The following MEP1A variants were observed in gnomAD, a reference collection of about 807,000 sequenced individuals.
The protein encoded by MEP1A is meprin A subunit alpha, also known as N-benzoyl-L-tyrosyl-P-amino-benzoic acid hydrolase subunit alpha.
Under a neutral mutation model 84.5 loss-of-function variants are expected in MEP1A, and 68 were observed. The observed-to-expected ratio is 0.80, with a 90% CI of 0.66 to 0.98. The LOEUF is 0.98. Ranked by LOEUF, MEP1A falls within the 50% of genes least tolerant of loss-of-function variation. The pLI is 0.00. For synonymous variants in MEP1A, 337 were observed against 336.8 expected, an observed-to-expected ratio of 1.00 and a Z score of -0.01; for missense variants, 887 against 919.9, an observed-to-expected ratio of 0.96 and a Z score of 0.46.
chr6:46,797,890 C>T (rs1242284443), intron 3 of MEP1A, among the ~76,000 whole-genome samples: 1 of 35,538 alleles, frequency 2.8e-5, no homozygotes, highest in South Asian at 1.5e-3. Context: ...TTCCTTCCTT[C>T]CTTCCTTCCT....
At chr6:46,795,269 C>T (rs927673360) in intron 3 of MEP1A, among the ~76,000 whole-genome samples, 4 of 152,062 alleles carry the variant, frequency 2.6e-5, no homozygotes, top group African/African-American at 2.4e-5. Flanking sequence ...AAATGTTATT[C>T]GATCTACTCG....
chr6:46,825,928 C>T (rs907614393), intron 8 of MEP1A, among the ~76,000 whole-genome samples: 5 of 152,138 alleles, frequency 3.3e-5, no homozygotes, highest in African/African-American at 1.2e-4. Context: ...TCTTTACTTA[C>T]GTTAGTTATT....
At chr6:46,807,769 A>G (rs1767381914) in intron 5 of MEP1A, among the ~76,000 whole-genome samples, 2 of 116,510 alleles carry the variant, frequency 1.7e-5, no homozygotes, top group Admixed American at 9.0e-5. Context: ...GAAGGGAGAA[A>G]GGAAAGAAAG....
intron 5 of MEP1A, among the ~76,000 whole-genome samples, chr6:46,807,612 G>GGAAGGAAA (rs1767372499): frequency 4.1e-5 from 3 of 72,922 alleles, no homozygotes; most frequent in African/African-American, 1.9e-4. Context: ...AAGGAAGGAA[G>GGAAGGAAA]GAAGGAAGGA....
chr6:46,819,317 C>T (rs886212183), intron 6 of MEP1A, among the ~76,000 whole-genome samples: 6 of 152,154 alleles, frequency 3.9e-5, no homozygotes, highest in Non-Finnish European at 8.8e-5. Flanking sequence ...TGTATTATAT[C>T]TTCACTTTTA....
At chr6:46,815,248 T>C (rs1767607839) in intron 6 of MEP1A, among the ~76,000 whole-genome samples, 1 of 152,130 alleles carries the variant, frequency 6.6e-6, no homozygotes, top group African/African-American at 2.4e-5. Context: ...AGCCTCTCCT[T>C]GGGCAGGGCT....
At chr6:46,823,699 G>A (rs1420242817) in intron 7 of MEP1A, among the ~76,000 whole-genome samples, 2 of 152,154 alleles carry the variant, frequency 1.3e-5, no homozygotes, top group Non-Finnish European at 2.9e-5. Flanking sequence ...GACTGGAAGA[G>A]TTAGCTGCAT....
intron 5 of MEP1A, among the ~76,000 whole-genome samples, chr6:46,801,807 G>T (rs927006738): frequency 1.3e-5 from 2 of 151,932 alleles, no homozygotes; most frequent in South Asian, 2.1e-4. Context: ...GAGACTGATT[G>T]GTTGGTATTT....
intron 7 of MEP1A, among the ~76,000 whole-genome samples, chr6:46,823,993 G>A (rs2150751498): frequency 6.6e-6 from 1 of 152,186 alleles, no homozygotes; most frequent in Non-Finnish European, 1.5e-5. Context: ...AAGGATGTGA[G>A]CCTTGATTGG....
chr6:46,826,132 T>C (rs1767938433), intron 8 of MEP1A, among the ~76,000 whole-genome samples: 2 of 152,192 alleles, frequency 1.3e-5, no homozygotes, highest in African/African-American at 4.8e-5. Flanking sequence ...AGAATGATTA[T>C]AGTTTTTTTT....
intron 10 of MEP1A, among the ~76,000 whole-genome samples, chr6:46,830,112 G>A (rs532022963): frequency 6.6e-6 from 1 of 151,760 alleles, no homozygotes; most frequent in Non-Finnish European, 1.5e-5. Context: ...GCTGGGCATG[G>A]TGGCGCGCGC....
chr6:46,821,089 G>T (rs1767762918), intron 7 of MEP1A, among the ~76,000 whole-genome samples: 1 of 152,078 alleles, frequency 6.6e-6, no homozygotes, highest in South Asian at 2.1e-4. Context: ...AAAGTTTTCT[G>T]CCAGGACTGT....
intron 6 of MEP1A, among the ~76,000 whole-genome samples, chr6:46,815,158 A>T (rs1421661810): frequency 6.6e-6 from 1 of 152,132 alleles, no homozygotes; most frequent in Non-Finnish European, 1.5e-5. Context: ...CTCTCAAGAG[A>T]TTCTGACCTT....
chr6:46,811,333 T>G (rs1174293337), intron 6 of MEP1A, among the ~76,000 whole-genome samples: 1 of 152,112 alleles, frequency 6.6e-6, no homozygotes, highest in Non-Finnish European at 1.5e-5. Flanking sequence ...ATCCTGAAAT[T>G]TTGTTGATTT....
rs1218421017 is a variant in MEP1A, at chr6:46,795,890, G to A, written c.145+2174G>A. On this transcript the variant is annotated intron_variant, in intron 3 of 13. Transcript: ENST00000230588. ...TGTGGTCCACAGGCCAAAGTGATCT[G>A]TGTCACTCAAGAGCTTTCTCTTAGA... 3.3e-5 allele frequency among the ~76,000 whole-genome samples: 5 copies of A among 152,278 alleles called. No individual in the cohort carries two copies. In the South Asian group the frequency reaches 1.0e-3, roughly 32 times the overall value.
chr6:46,809,082 A>G (rs1767429021), intron 5 of MEP1A, among the ~76,000 whole-genome samples: 1 of 152,058 alleles, frequency 6.6e-6, no homozygotes, highest in Admixed American at 6.6e-5. Context: ...AATGCACTCT[A>G]AATCTCTGCT....
intron 9 of MEP1A, among the ~76,000 whole-genome samples, chr6:46,828,029 G>A (rs1258961475): frequency 4.6e-5 from 7 of 152,144 alleles, no homozygotes; most frequent in African/African-American, 7.2e-5. Flanking sequence ...AGGTGGATGC[G>A]TAGACACAAA....
intron 5 of MEP1A, 40 bp downstream of exon 5, chr6:46,799,221 C>T: frequency 7.6e-7 from 1 of 1,322,658 alleles, no homozygotes; most frequent in South Asian, 1.2e-5. Flanking sequence ...TTCAGTTTAA[C>T]TCTCTCTCTC....
At chr6:46,810,910 C>T (rs1414040990) in intron 6 of MEP1A, among the ~76,000 whole-genome samples, 1 of 151,968 alleles carries the variant, frequency 6.6e-6, no homozygotes, top group African/African-American at 2.4e-5. Flanking sequence ...GTGATGACTC[C>T]AGATTTGTTC....
Sources: gnomAD v4.1 joint callset for allele counts (sites outside exome capture counted in the v4.1 genomes callset) on GRCh38, gnomAD v4.1.1 for gene constraint, MANE v1.5 for transcripts, NCBI Gene and HGNC (gene_info 2026-07-23, HGNC 2026-07-21) for gene names.